The following NDUFS4 variants were observed in gnomAD, a reference collection of about 807,000 sequenced individuals.
NDUFS4 encodes the protein NADH:ubiquinone oxidoreductase subunit S4, also known as NADH dehydrogenase [ubiquinone] iron-sulfur protein 4, mitochondrial.
A neutral mutation model predicts 24.3 loss-of-function variants in NDUFS4; 28 were observed. The ratio of observed to expected loss-of-function variants is 1.15; its 90% CI spans 0.85 to 1.58. NDUFS4 has a LOEUF of 1.58. Ranked by LOEUF, NDUFS4 falls within the 40% of genes most tolerant of loss-of-function variation. The probability of loss-of-function intolerance (pLI) is 0.00; values close to 1 mark genes in which losing one functional copy is unlikely to be tolerated. For synonymous variants in NDUFS4, 93 were observed against 69.7 expected, an observed-to-expected ratio of 1.34 and a Z score of -1.67; for missense variants, 223 against 207.9, an observed-to-expected ratio of 1.07 and a Z score of -0.45.
chr5:53,610,549 CAAAA>C (rs369813902), intron 2 of NDUFS4, among the ~76,000 whole-genome samples: 1 of 149,260 alleles, frequency 6.7e-6, no homozygotes. Context: ...CATAAAAAAA[CAAAA>C]AAAAAGAAGC....
rs574649182 is a variant in NDUFS4, at chr5:53,593,359, A to G, written c.99-10093A>G. On this transcript the variant is annotated intron_variant, in intron 1 of 4. Coordinates refer to ENST00000296684, the MANE Select transcript of NDUFS4 (RefSeq NM_002495.4). Reference sequence around the variant, plus strand: ...TCCCTGTTTTTTTAATGTCCGTGGGATCAGGAGTGATGATACCTGTTTCAT... The same window carrying G: ...TCCCTGTTTTTTTAATGTCCGTGGGGTCAGGAGTGATGATACCTGTTTCAT... Among the ~76,000 whole-genome samples, 16 of 151,762 alleles carry G rather than the reference A, an allele frequency of 1.1e-4. No individual in the cohort carries two copies. In the South Asian group the frequency reaches 3.3e-3, roughly 32 times the overall value.
chr5:53,572,145 A>G (rs929075817), intron 1 of NDUFS4, among the ~76,000 whole-genome samples: 1 of 152,240 alleles, frequency 6.6e-6, no homozygotes, highest in African/African-American at 2.4e-5. Context: ...GAAATATGAT[A>G]GAACAAAGGG....
intron 3 of NDUFS4, among the ~76,000 whole-genome samples, chr5:53,648,404 A>G (rs1203188967): frequency 6.6e-6 from 1 of 152,200 alleles, no homozygotes; most frequent in Admixed American, 6.5e-5. Flanking sequence ...TTGGCTTCCA[A>G]ACTTTTTCAT....
At chr5:53,678,598 T>C (rs901267003) in intron 4 of NDUFS4, among the ~76,000 whole-genome samples, 2 of 152,166 alleles carry the variant, frequency 1.3e-5, no homozygotes, top group Non-Finnish European at 2.9e-5. Flanking sequence ...ATAAGCATTC[T>C]TCAGAGAGTG....
At chr5:53,636,721 T>A (rs138974797) in intron 2 of NDUFS4, among the ~76,000 whole-genome samples, 2 of 152,286 alleles carry the variant, frequency 1.3e-5, no homozygotes, top group East Asian at 3.9e-4. Context: ...GGTAATTGGA[T>A]CATCATGGTG....
chr5:53,614,368 A>G (rs943793985), intron 2 of NDUFS4, among the ~76,000 whole-genome samples: 2 of 152,000 alleles, frequency 1.3e-5, no homozygotes, highest in African/African-American at 4.8e-5. Context: ...CAGTTTTTAT[A>G]TACAGACAGG....
chr5:53,585,702 A>G (rs1265069022), intron 1 of NDUFS4, among the ~76,000 whole-genome samples: 3 of 151,852 alleles, frequency 2.0e-5, no homozygotes, highest in Admixed American at 6.6e-5. Context: ...AGATCGCGCC[A>G]TTGCACTCCA....
At chr5:53,638,029 T>C (rs1751607798) in intron 2 of NDUFS4, among the ~76,000 whole-genome samples, 2 of 152,124 alleles carry the variant, frequency 1.3e-5, no homozygotes, top group Admixed American at 6.6e-5. Context: ...AATGATGCAG[T>C]TGGCAAGGAA....
chr5:53,631,318 C>T (rs111658038), intron 2 of NDUFS4, among the ~76,000 whole-genome samples: 14,056 of 152,250 alleles, frequency 0.092, 781 homozygotes, highest in Non-Finnish European at 0.13. Context: ...AGGTGTCTGT[C>T]GGCCCCTACT....
intron 4 of NDUFS4, among the ~76,000 whole-genome samples, chr5:53,672,234 C>CAA (rs879689009): frequency 4.3e-5 from 6 of 140,562 alleles, no homozygotes; most frequent in African/African-American, 1.3e-4. Context: ...AAAAACAAAA[C>CAA]AAAAAAAAAA....
In NDUFS4 at chr5:53,678,810, C is replaced by T. The variant is rs545469719; in HGVS notation, c.425-4308C>T. Among the ~76,000 whole-genome samples the T allele has an allele frequency of 6.4e-3, 967 of 152,262 alleles. 12 individuals carry two copies. Among genetic ancestry groups the T allele is most frequent in the African/African-American group, 0.022 (895 of 41,554 alleles). ...GAAAAGATGAGTATAATTCGTCTAA[C>T]TTACCCATTCTTAAGCATACATGCT... On this transcript the variant is annotated intron_variant, in intron 4 of 4. Transcript: ENST00000296684.
At chr5:53,621,373 T>C (rs1402247876) in intron 2 of NDUFS4, among the ~76,000 whole-genome samples, 1 of 151,924 alleles carries the variant, frequency 6.6e-6, no homozygotes, top group Non-Finnish European at 1.5e-5. Context: ...AGTTTGACAA[T>C]TTCTGTCTTT....
intron 4 of NDUFS4, among the ~76,000 whole-genome samples, chr5:53,666,370 A>T (rs533051437): frequency 5.9e-5 from 9 of 152,314 alleles, no homozygotes; most frequent in Admixed American, 5.9e-4. Flanking sequence ...CACTGTTCCT[A>T]TTAAAATCAA....
chr5:53,604,324 CTAAG>C (rs1208201387), intron 2 of NDUFS4, among the ~76,000 whole-genome samples: 1 of 152,166 alleles, frequency 6.6e-6, no homozygotes, highest in Non-Finnish European at 1.5e-5. Flanking sequence ...TAAGCCCAAT[CTAAG>C]TAATAGGTCA....
In NDUFS4 at chr5:53,660,733, C is replaced by T. The variant is rs1752315761; in HGVS notation, c.424+2109C>T. On this transcript the variant is annotated intron_variant, in intron 4 of 4. Transcript: ENST00000296684. ...AGTATCTCATTGTGGTTTTAATTTG[C>T]ATTTCTCTGATGGCCAGTGATGATG... is the stretch of plus-strand genomic sequence containing the variant. Among the ~76,000 whole-genome samples the T allele has an allele frequency of 4.6e-5, 7 of 152,270 alleles. No individual in the cohort carries two copies. In the South Asian group the frequency reaches 1.4e-3, roughly 32 times the overall value.
chr5:53,592,503 C>T (rs1286367267), intron 1 of NDUFS4, among the ~76,000 whole-genome samples: 3 of 152,076 alleles, frequency 2.0e-5, no homozygotes, highest in African/African-American at 7.2e-5. Flanking sequence ...CTTACATTAT[C>T]TTTGAGAAAT....
At chr5:53,636,077 T>A (rs1183987994) in intron 2 of NDUFS4, among the ~76,000 whole-genome samples, 1 of 152,150 alleles carries the variant, frequency 6.6e-6, no homozygotes, top group Non-Finnish European at 1.5e-5. Flanking sequence ...AGAGATGGGG[T>A]CTCACTGTGT....
At chr5:53,650,491 T>C (rs928385556) in intron 3 of NDUFS4, among the ~76,000 whole-genome samples, 1 of 152,196 alleles carries the variant, frequency 6.6e-6, no homozygotes, top group Non-Finnish European at 1.5e-5. Flanking sequence ...TACAGAAAGA[T>C]GGTTGGACAA....
chr5:53,612,582 T>C (rs1026394799), intron 2 of NDUFS4, among the ~76,000 whole-genome samples: 3 of 152,110 alleles, frequency 2.0e-5, no homozygotes, highest in African/African-American at 7.2e-5. Flanking sequence ...GTAAAACAAA[T>C]GTTGTCAGTA....
Sources: gnomAD v4.1 joint callset for allele counts (sites outside exome capture counted in the v4.1 genomes callset) on GRCh38, gnomAD v4.1.1 for gene constraint, MANE v1.5 for transcripts, NCBI Gene and HGNC (gene_info 2026-07-23, HGNC 2026-07-21) for gene names.